Variants in ARNT observed in about 807,000 individuals in gnomAD.
The protein encoded by ARNT is class E basic helix-loop-helix protein 2.
Under a neutral mutation model 105.0 loss-of-function variants are expected in ARNT, and 30 were observed. That is an observed-to-expected ratio of 0.29 (90% CI 0.21 to 0.39). The LOEUF is 0.39. Ranked by LOEUF, ARNT falls within the 10% of genes least tolerant of loss-of-function variation. The pLI, the probability that ARNT is intolerant of heterozygous loss-of-function variation, is 1.00. For synonymous variants in ARNT, 304 were observed against 344.0 expected (o/e 0.88, Z 1.29); for missense variants, 748 against 978.7 (o/e 0.76, Z 3.15).
At chr1:150,872,688 A>G (rs1667638308) in intron 1 of ARNT, among the ~76,000 whole-genome samples, 1 of 152,230 alleles carries the variant, frequency 6.6e-6, no homozygotes, top group Non-Finnish European at 1.5e-5. Context: ...TTGGCTGGGC[A>G]TGGTGGTCAT....
chr1:150,811,903 T>C lies in ARNT; in HGVS notation c.*118A>G, dbSNP rs587715235. On this transcript the variant is annotated 3_prime_UTR_variant, in exon 22 of 22. Transcript: ENST00000358595. ...ACAGCCAGAAGGGAAAGGGGGTACA[T>C]GTCAGGGGTGAGGGAAGGGAAGGGA... is the stretch of plus-strand genomic sequence containing the variant. 8.4e-5 allele frequency: 53 copies of C among 631,672 alleles called. No homozygotes were observed. In the East Asian group the frequency reaches 1.7e-3, roughly 20 times the overall value. 39.1% of individuals were successfully genotyped at this position (631,672 alleles called of 1,614,324 possible). A position where few individuals can be genotyped will look rare whatever the true frequency, so the allele number is the denominator to read the frequency against.
chr1:150,849,486 T>C (rs1208230155), intron 3 of ARNT, among the ~76,000 whole-genome samples: 1 of 151,996 alleles, frequency 6.6e-6, no homozygotes, highest in Non-Finnish European at 1.5e-5. Flanking sequence ...CATCAATATA[T>C]TAAAAGGTCC....
chr1:150,864,951 A>C (rs1225248713), intron 1 of ARNT, among the ~76,000 whole-genome samples: 1 of 151,050 alleles, frequency 6.6e-6, no homozygotes, highest in Non-Finnish European at 1.5e-5. Flanking sequence ...ACCAAGAGAA[A>C]GCTTTGAATG....
intron 7 of ARNT, 54 bp from the exon 8 acceptor site, chr1:150,834,694 G>C (rs1480684099): frequency 1.3e-6 from 2 of 1,487,128 alleles, no homozygotes. Flanking sequence ...GTGGGGAAGA[G>C]GGGGAGAGAT....
intron 2 of ARNT, among the ~76,000 whole-genome samples, chr1:150,856,339 C>T (rs1000527663): frequency 1.8e-4 from 27 of 152,042 alleles, no homozygotes; most frequent in African/African-American, 6.5e-4. Context: ...ACTCGGGAGG[C>T]TGAGACAGGA....
At chr1:150,875,405 T>C (rs1168734514) in intron 1 of ARNT, among the ~76,000 whole-genome samples, 1 of 152,194 alleles carries the variant, frequency 6.6e-6, no homozygotes, top group Admixed American at 6.5e-5. Context: ...ATACTGCCTT[T>C]CAGTAACATG....
At chr1:150,852,841 C>T in intron 2 of ARNT, 35 bp from the exon 3 acceptor site, 1 of 1,612,676 alleles carries the variant, frequency 6.2e-7, no homozygotes, top group Non-Finnish European at 8.5e-7. Flanking sequence ...TTTAAGCCTG[C>T]TGATAATACA....
chr1:150,824,674 C>CA (rs375114362), intron 13 of ARNT, among the ~76,000 whole-genome samples: 5 of 151,796 alleles, frequency 3.3e-5, no homozygotes, highest in African/African-American at 9.7e-5. Context: ...AGGCTGGTCT[C>CA]AAACTCCTGA....
chr1:150,871,332 A>C (rs1571544144), intron 1 of ARNT, among the ~76,000 whole-genome samples: 2 of 118,290 alleles, frequency 1.7e-5, no homozygotes, highest in South Asian at 2.6e-4. Flanking sequence ...ACGGAGTCTC[A>C]CTCTGTCGCC....
At chr1:150,838,485 T>G (rs991543475) in intron 6 of ARNT, among the ~76,000 whole-genome samples, 1 of 152,254 alleles carries the variant, frequency 6.6e-6, no homozygotes, top group Non-Finnish European at 1.5e-5. Context: ...GCACATGTAC[T>G]GTTAGAACAT....
In ARNT at chr1:150,832,506, T is replaced by C. The variant is rs940918136; in HGVS notation, c.804-107A>G. 33 of 993,970 alleles carry C rather than the reference T, an allele frequency of 3.3e-5. No homozygotes were observed. In the East Asian group the frequency reaches 4.8e-4, roughly 15 times the overall value. 61.6% of individuals were successfully genotyped at this position (993,970 alleles called of 1,614,324 possible). ...TCTGGATACAACCAGACATAGAAAA[T>C]TGGTAATGCTACTAATAATGAAGGA... On this transcript the variant is annotated intron_variant, in intron 8 of 21. Coordinates refer to ENST00000358595, the MANE Select transcript of ARNT (RefSeq NM_001668.4).
intron 20 of ARNT, among the ~76,000 whole-genome samples, 171 bp from the exon 21 acceptor site, chr1:150,813,509 T>C (rs1480704084): frequency 1.3e-5 from 2 of 152,224 alleles, no homozygotes; most frequent in Non-Finnish European, 2.9e-5. Context: ...CTAAATTAAT[T>C]CTTCTTCTCC....
chr1:150,858,118 C>T (rs189037827), intron 2 of ARNT, among the ~76,000 whole-genome samples: 6 of 152,148 alleles, frequency 3.9e-5, no homozygotes, highest in East Asian at 1.9e-4. Context: ...CTTTATCTTA[C>T]GGAAATTTTG....
chr1:150,850,371 C>A (rs1033905321), intron 3 of ARNT, among the ~76,000 whole-genome samples: 5 of 152,224 alleles, frequency 3.3e-5, no homozygotes, highest in Non-Finnish European at 2.9e-5. Flanking sequence ...CCGCTCACTG[C>A]AACCTCCCTG....
intron 20 of ARNT, 138 bp from the exon 21 acceptor site, chr1:150,813,476 C>T (rs1340573016): frequency 7.0e-6 from 6 of 861,914 alleles, no homozygotes; most frequent in Non-Finnish European, 9.9e-6. Context: ...CAATCAATGC[C>T]TTTTCTATCT....
At chr1:150,837,859 T>TA (rs935921257) in intron 6 of ARNT, among the ~76,000 whole-genome samples, 102 of 146,214 alleles carry the variant, frequency 7.0e-4, no homozygotes, top group East Asian at 6.1e-3. Flanking sequence ...ATTTCCCTCT[T>TA]AAAAAAAAAA....
intron 1 of ARNT, among the ~76,000 whole-genome samples, chr1:150,866,698 T>TACAC (rs71703142): frequency 4.6e-5 from 7 of 151,626 alleles, no homozygotes; most frequent in African/African-American, 1.7e-4. Context: ...CACATACATA[T>TACAC]ACACACACAC....
chr1:150,816,335 A>G lies in ARNT; in HGVS notation c.1874T>C (p.Ile625Thr). ...TTGGGTGGGGTTGGAGTGGCGGGAA[A>G]TCTGGGCCAACATCTGTCCTGCAGA... ...SASAGQMLAQ[I>T]SRHSNPTQGA... The change falls in exon 19 of 22, where the codon ATT becomes ACT. Residue 625 changes from isoleucine to threonine, a missense_variant. Ile to Thr is a moderately conservative substitution (Grantham distance 89, BLOSUM62 -1). Coordinates refer to ENST00000358595, the MANE Select transcript of ARNT (RefSeq NM_001668.4). 1.2e-6 allele frequency: 2 copies of G among 1,608,270 alleles called. No individual in the cohort carries two copies. The highest frequency in any genetic ancestry group is 1.7e-6 in the Non-Finnish European group (2 of 1,178,332).
intron 1 of ARNT, among the ~76,000 whole-genome samples, chr1:150,866,441 T>A (rs1048837189): frequency 2.0e-5 from 3 of 152,214 alleles, no homozygotes; most frequent in Non-Finnish European, 4.4e-5. Context: ...CCTTGATGTG[T>A]GCACAGCCCC....
Sources: gnomAD v4.1 joint callset for allele counts (sites outside exome capture counted in the v4.1 genomes callset) on GRCh38, gnomAD v4.1.1 for gene constraint, MANE v1.5 for transcripts, NCBI Gene and HGNC (gene_info 2026-07-23, HGNC 2026-07-21) for gene names.